Variants in ACO1 observed in about 807,000 individuals in gnomAD.
ACO1 encodes the protein cytoplasmic aconitate hydratase.
In ACO1, 78 loss-of-function variants were observed where a neutral mutation model predicts 105.1. The ratio of observed to expected loss-of-function variants is 0.74; its 90% CI spans 0.62 to 0.90. The LOEUF is 0.90. Among genes scored for constraint, ACO1 ranks in the 40% least tolerant of loss-of-function variants. The pLI is 0.00. For synonymous variants in ACO1, 364 were observed against 397.4 expected (o/e 0.92, Z 1.00); for missense variants, 965 against 1,111.1 (o/e 0.87, Z 1.87).
chr9:32,402,250 T>C (rs895843369), intron 1 of ACO1, among the ~76,000 whole-genome samples: 2 of 152,164 alleles, frequency 1.3e-5, no homozygotes, highest in Non-Finnish European at 1.5e-5. Context: ...TATCATCTCA[T>C]TCTATAGAAC....
In ACO1 at chr9:32,403,635, A is replaced by G. The variant is rs143077524; in HGVS notation, c.-22-1850A>G. ...GGTCCCCACTGCATAATGGCAGATA[A>G]TAAGTACAAGTTAACAACTGGTTTA... On this transcript the variant is annotated intron_variant, in intron 1 of 20. Transcript: ENST00000309951. 3.6e-3 allele frequency among the ~76,000 whole-genome samples: 544 copies of G among 152,328 alleles called. 4 individuals carry two copies. Among genetic ancestry groups the G allele is most frequent in the Admixed American group, 7.6e-3 (117 of 15,304 alleles).
At chr9:32,430,896 A>T (rs1822220153) in intron 14 of ACO1, among the ~76,000 whole-genome samples, 1 of 152,218 alleles carries the variant, frequency 6.6e-6, no homozygotes, top group South Asian at 2.1e-4. Context: ...ACTCTGTAGA[A>T]ACATACTGCA....
chr9:32,402,806 G>T lies in ACO1; in HGVS notation c.-22-2679G>T, dbSNP rs149433325. Among the ~76,000 whole-genome samples the T allele has an allele frequency of 2.0e-3, 307 of 152,346 alleles. 3 individuals are homozygous for T. Among genetic ancestry groups the T allele is most frequent in the African/African-American group, 7.1e-3 (295 of 41,584 alleles). On this transcript the variant is annotated intron_variant, in intron 1 of 20. Transcript: ENST00000309951. ...CAGGAGATTTGAGACAAGAATGATA[G>T]TATGGGTGGAACCTTGAAGTGGCTC...
intron 8 of ACO1, among the ~76,000 whole-genome samples, chr9:32,421,551 A>G (rs947557181): frequency 1.3e-5 from 2 of 152,190 alleles, no homozygotes; most frequent in African/African-American, 2.4e-5. Flanking sequence ...AGGGATGTCT[A>G]AAAAATGAAA....
chr9:32,398,870 C>T (rs1022531141), intron 1 of ACO1, among the ~76,000 whole-genome samples: 2 of 152,190 alleles, frequency 1.3e-5, no homozygotes, highest in African/African-American at 4.8e-5. Flanking sequence ...GCTGGGATTA[C>T]AGGCATGAGC....
intron 19 of ACO1, among the ~76,000 whole-genome samples, chr9:32,443,900 C>T (rs761959315): frequency 3.3e-5 from 5 of 152,106 alleles, no homozygotes; most frequent in Non-Finnish European, 5.9e-5. Context: ...ATACATGTGC[C>T]GTGGTGGTTT....
intron 1 of ACO1, among the ~76,000 whole-genome samples, chr9:32,403,118 G>C (rs1821533808): frequency 6.6e-6 from 1 of 152,234 alleles, no homozygotes; most frequent in African/African-American, 2.4e-5. Context: ...CGTCAGAACA[G>C]GGTGGCTGCA....
chr9:32,408,511 T>C lies in ACO1; in HGVS notation c.267-3T>C, dbSNP rs1821663560. On this transcript the variant is annotated splice_region_variant and splice_polypyrimidine_tract_variant and intron_variant, in intron 3 of 20. Coordinates refer to ENST00000309951, the MANE Select transcript of ACO1 (RefSeq NM_002197.3). ...TTCTGCATTATTCTCTTTCTTCTCT[T>C]AGGGGTGTGCCCGCTGTGGTTGACT... The C allele has an allele frequency of 6.2e-7, 1 of 1,614,000 alleles. No individual in the cohort carries two copies. The highest frequency in any genetic ancestry group is 8.5e-7 in the Non-Finnish European group (1 of 1,179,936).
intron 1 of ACO1, among the ~76,000 whole-genome samples, chr9:32,398,719 G>C (rs1000491139): frequency 6.6e-6 from 1 of 151,696 alleles, no homozygotes; most frequent in East Asian, 1.9e-4. Context: ...TCAGCCTCTC[G>C]AGTAGCTGGG....
At chr9:32,431,181 C>T (rs897138210) in intron 14 of ACO1, among the ~76,000 whole-genome samples, 1 of 152,200 alleles carries the variant, frequency 6.6e-6, no homozygotes, top group African/African-American at 2.4e-5. Flanking sequence ...CACAGATCAG[C>T]ACAAAGGGGT....
At chr9:32,402,514 A>T (rs1411386388) in intron 1 of ACO1, among the ~76,000 whole-genome samples, 2 of 152,160 alleles carry the variant, frequency 1.3e-5, no homozygotes, top group African/African-American at 4.8e-5. Flanking sequence ...CTTTATGTGG[A>T]TGTGGGACAT....
chr9:32,427,504 C>G (rs1356976061), intron 12 of ACO1, 68 bp downstream of exon 12: 2 of 1,581,978 alleles, frequency 1.3e-6, no homozygotes, highest in African/African-American at 2.7e-5. Flanking sequence ...CTTGCTGTGT[C>G]ACCTTGTAAC....
At chr9:32,421,984 G>C (rs7043497) in intron 8 of ACO1, among the ~76,000 whole-genome samples, 1 of 152,098 alleles carries the variant, frequency 6.6e-6, no homozygotes, top group African/African-American at 2.4e-5. Context: ...TTTATTTAAA[G>C]AAGTTTTTAT....
At chr9:32,416,121 G>A (rs184448031) in intron 4 of ACO1, among the ~76,000 whole-genome samples, 207 of 147,488 alleles carry the variant, frequency 1.4e-3, no homozygotes, top group African/African-American at 4.9e-3. Flanking sequence ...TTGAGATGGC[G>A]TCTTGCTTTG....
rs5897504 is a variant in ACO1 at position 32,389,669 on chromosome 9, C to CTT, written c.-23+4948_-23+4949dup. 5.1e-3 allele frequency among the ~76,000 whole-genome samples: 737 copies of CTT among 143,642 alleles called. 2 individuals are homozygous for CTT. The highest frequency in any genetic ancestry group is 6.7e-3 in the South Asian group (30 of 4,494). 94.2% of individuals were successfully genotyped at this position (143,642 alleles called of 152,430 possible). ...TCCCTAGATCGACTGGCCTTCATTT[C>CTT]TTTTTTTTTTTTTTTCCTTTTCTCT... On this transcript the variant is annotated intron_variant, in intron 1 of 20. Coordinates refer to ENST00000309951, the MANE Select transcript of ACO1 (RefSeq NM_002197.3).
chr9:32,399,966 G>GTTTT (rs57615512), intron 1 of ACO1, among the ~76,000 whole-genome samples: 14,060 of 68,960 alleles, frequency 0.2, 3,397 homozygotes, highest in Non-Finnish European at 0.26. Context: ...TTCTTTTTCT[G>GTTTT]TTTTTTTTTT....
At chr9:32,430,682 A>G (rs1822215806) in intron 14 of ACO1, 108 bp downstream of exon 14, 2 of 1,200,086 alleles carry the variant, frequency 1.7e-6, no homozygotes, top group South Asian at 1.7e-5. Flanking sequence ...CTCCAGGGAT[A>G]AGACAAAGAA....
intron 4 of ACO1, among the ~76,000 whole-genome samples, chr9:32,412,889 C>T (rs1271289687): frequency 6.6e-6 from 1 of 152,094 alleles, no homozygotes; most frequent in Admixed American, 6.5e-5. Flanking sequence ...CTTCATTTTG[C>T]TTGCCTAGAA....
At chr9:32,440,151 C>T (rs1387453536) in intron 18 of ACO1, among the ~76,000 whole-genome samples, 1 of 151,820 alleles carries the variant, frequency 6.6e-6, no homozygotes, top group Non-Finnish European at 1.5e-5. Context: ...CCTGTAATCC[C>T]AGCTACTTGG....
Sources: gnomAD v4.1 joint callset for allele counts (sites outside exome capture counted in the v4.1 genomes callset) on GRCh38, gnomAD v4.1.1 for gene constraint, MANE v1.5 for transcripts, NCBI Gene and HGNC (gene_info 2026-07-23, HGNC 2026-07-21) for gene names.